Variants in CSMD3 observed in about 807,000 individuals in gnomAD.
The protein encoded by CSMD3 is CUB and sushi domain-containing protein 3.
A neutral mutation model predicts 435.2 loss-of-function variants in CSMD3; 177 were observed. The observed-to-expected ratio is 0.41, with a 90% CI of 0.36 to 0.46. The LOEUF is 0.46. Among genes scored for constraint, CSMD3 ranks in the 20% least tolerant of loss-of-function variants. The pLI, the probability that CSMD3 is intolerant of heterozygous loss-of-function variation, is 0.34. For synonymous variants in CSMD3, 1,656 were observed against 1,520.5 expected, an observed-to-expected ratio of 1.09 and a Z score of -2.07; for missense variants, 4,265 against 4,504.6, an observed-to-expected ratio of 0.95 and a Z score of 1.52.
At chr8:113,416,721 A>G (rs1053744138) in intron 1 of CSMD3, among the ~76,000 whole-genome samples, 1 of 152,112 alleles carries the variant, frequency 6.6e-6, no homozygotes, top group African/African-American at 2.4e-5. Flanking sequence ...GTTCTACTAA[A>G]TTATTAGTGA....
chr8:112,752,916 TGTG>T (rs1235129910), intron 13 of CSMD3, among the ~76,000 whole-genome samples: 16 of 151,362 alleles, frequency 1.1e-4, no homozygotes, highest in Middle Eastern at 3.4e-3. Context: ...TGTGTGTGTG[TGTG>T]TGTGTGTGTG....
chr8:113,161,751 G>A (rs2092044119), intron 4 of CSMD3, among the ~76,000 whole-genome samples: 1 of 152,062 alleles, frequency 6.6e-6, no homozygotes, highest in Non-Finnish European at 1.5e-5. Context: ...AGACTCTTTT[G>A]TCTGAGTTTC....
intron 32 of CSMD3, among the ~76,000 whole-genome samples, chr8:112,461,937 C>A (rs1817490941): frequency 6.6e-6 from 1 of 152,154 alleles, no homozygotes; most frequent in African/African-American, 2.4e-5. Context: ...CAGTAGCATA[C>A]TCTTTAAATT....
chr8:113,178,891 A>G (rs943991231), intron 3 of CSMD3, among the ~76,000 whole-genome samples: 1 of 151,880 alleles, frequency 6.6e-6, no homozygotes, highest in African/African-American at 2.4e-5. Context: ...TCCTTTTCAT[A>G]GGCTCATAAA....
At chr8:112,697,432 A>G (rs569480329) in intron 13 of CSMD3, among the ~76,000 whole-genome samples, 7 of 152,322 alleles carry the variant, frequency 4.6e-5, no homozygotes, top group African/African-American at 1.7e-4. Flanking sequence ...TTGTAGGGAC[A>G]TGGATCTTTG....
At chr8:113,072,601 A>G (rs529338069) in intron 5 of CSMD3, among the ~76,000 whole-genome samples, 3 of 151,868 alleles carry the variant, frequency 2.0e-5, no homozygotes, top group African/African-American at 4.8e-5. Flanking sequence ...TGAATTCTAA[A>G]TATCTTCTAC....
chr8:113,068,726 A>C (rs377243285), intron 5 of CSMD3, among the ~76,000 whole-genome samples: 2 of 152,142 alleles, frequency 1.3e-5, no homozygotes, highest in East Asian at 3.8e-4. Context: ...TTGTTAATAA[A>C]TAGCATAATT....
At chr8:112,618,946 T>C (rs1833860259) in intron 22 of CSMD3, among the ~76,000 whole-genome samples, 1 of 152,154 alleles carries the variant, frequency 6.6e-6, no homozygotes, top group Non-Finnish European at 1.5e-5. Flanking sequence ...ATATGAGTTA[T>C]GATTTCTGAT....
intron 22 of CSMD3, among the ~76,000 whole-genome samples, chr8:112,620,442 C>G (rs1465811817): frequency 1.3e-5 from 2 of 152,072 alleles, no homozygotes; most frequent in Non-Finnish European, 2.9e-5. Context: ...AAAATGAGTT[C>G]CCCATGGCTA....
At chr8:113,387,755 G>C (rs1371691294) in intron 1 of CSMD3, among the ~76,000 whole-genome samples, 1 of 151,584 alleles carries the variant, frequency 6.6e-6, no homozygotes, top group Non-Finnish European at 1.5e-5. Context: ...GGAAGAGAAA[G>C]ATAATGAAAC....
In CSMD3 at chr8:113,334,305, C is replaced by A. The variant is rs535441181; in HGVS notation, c.179-19512G>T. Among the ~76,000 whole-genome samples, 5 of 141,338 alleles carry A rather than the reference C, an allele frequency of 3.5e-5. No individual in the cohort carries two copies. In the South Asian group the frequency reaches 6.7e-4, roughly 19 times the overall value. The allele number at this position is 141,338 out of a possible 152,430, so 92.7% of individuals were successfully genotyped here. On this transcript the variant is annotated intron_variant, in intron 1 of 70. Transcript: ENST00000297405. ...TTTTTTTTTTTTTTTTCATTTCCAG[C>A]CTGTGTACCTGTTACATATTTCCTT...
At chr8:112,731,761 G>A (rs1275312003) in intron 13 of CSMD3, among the ~76,000 whole-genome samples, 1 of 151,980 alleles carries the variant, frequency 6.6e-6, no homozygotes, top group Non-Finnish European at 1.5e-5. Context: ...ACAATTTGCA[G>A]TAATATGCTC....
chr8:112,896,357 G>T (rs899214570), intron 10 of CSMD3, among the ~76,000 whole-genome samples: 1 of 151,400 alleles, frequency 6.6e-6, no homozygotes, highest in Non-Finnish European at 1.5e-5. Flanking sequence ...GTGATAAAAA[G>T]ATGAGCAATT....
At chr8:112,952,154 GAA>G (rs879901429) in intron 8 of CSMD3, among the ~76,000 whole-genome samples, 4 of 141,336 alleles carry the variant, frequency 2.8e-5, no homozygotes, top group Admixed American at 7.1e-5. Flanking sequence ...TATAAAAGCT[GAA>G]AAAAAAAAAA....
At chr8:113,246,567 T>A (rs557789289) in intron 3 of CSMD3, among the ~76,000 whole-genome samples, 5 of 152,260 alleles carry the variant, frequency 3.3e-5, no homozygotes, top group East Asian at 1.9e-4. Context: ...AAGTCCAATA[T>A]CTGTAATTTG....
At chr8:113,206,888 A>G (rs1162804134) in intron 3 of CSMD3, among the ~76,000 whole-genome samples, 1 of 152,154 alleles carries the variant, frequency 6.6e-6, no homozygotes, top group Non-Finnish European at 1.5e-5. Context: ...AAATATTCTT[A>G]CATACTATCA....
chr8:113,226,488 G>A (rs949095979), intron 3 of CSMD3, among the ~76,000 whole-genome samples: 30 of 151,542 alleles, frequency 2.0e-4, no homozygotes, highest in Admixed American at 9.9e-4. Flanking sequence ...AAAAGCAGAT[G>A]TTTGACCTGG....
intron 5 of CSMD3, among the ~76,000 whole-genome samples, chr8:113,094,603 T>G (rs1224271151): frequency 1.3e-5 from 2 of 152,206 alleles, no homozygotes; most frequent in Non-Finnish European, 2.9e-5. Context: ...TTCTATCAAA[T>G]CATGTATTTG....
At chr8:112,869,183 A>G (rs2081063861) in intron 10 of CSMD3, among the ~76,000 whole-genome samples, 1 of 152,164 alleles carries the variant, frequency 6.6e-6, no homozygotes, top group African/African-American at 2.4e-5. Flanking sequence ...AAATTTTAAA[A>G]TGTGAATTTA....
Sources: gnomAD v4.1 joint callset for allele counts (sites outside exome capture counted in the v4.1 genomes callset) on GRCh38, gnomAD v4.1.1 for gene constraint, MANE v1.5 for transcripts, NCBI Gene and HGNC (gene_info 2026-07-23, HGNC 2026-07-21) for gene names.